RSF1: variants seen among roughly 807,000 people sequenced by gnomAD.
The protein encoded by RSF1 is HBV pX-associated protein 8.
RSF1 carries 13 observed loss-of-function variants against 145.2 expected under a neutral mutation model. The ratio of observed to expected loss-of-function variants is 0.09; its 90% CI spans 0.06 to 0.14. The LOEUF is 0.14. RSF1 is among the 10% of genes least tolerant of loss of function. The pLI, the probability that RSF1 is intolerant of heterozygous loss-of-function variation, is 1.00. For missense variants in RSF1, 1,517 were observed against 1,718.2 expected (o/e 0.88, Z 2.07); for synonymous variants, 577 against 592.6 (o/e 0.97, Z 0.38).
chr11:77,740,583 T>G, intron 4 of RSF1, 148 bp downstream of exon 4: 2 of 646,574 alleles, frequency 3.1e-6, no homozygotes, highest in East Asian at 5.4e-5. Context: ...ACTATGGGTA[T>G]TACGCTGGAT....
chr11:77,680,880 T>C (rs984923820), intron 11 of RSF1, among the ~76,000 whole-genome samples: 1 of 152,174 alleles, frequency 6.6e-6, no homozygotes, highest in East Asian at 1.9e-4. Context: ...AGATGCCAGA[T>C]GCAAAATTAA....
chr11:77,722,738 T>C (rs984057750), intron 5 of RSF1, among the ~76,000 whole-genome samples: 3 of 152,234 alleles, frequency 2.0e-5, no homozygotes, highest in Non-Finnish European at 4.4e-5. Context: ...CAGCATTTGG[T>C]AGACTGCAAA....
intron 2 of RSF1, among the ~76,000 whole-genome samples, chr11:77,761,259 T>C (rs1948168806): frequency 6.6e-6 from 1 of 152,204 alleles, no homozygotes; most frequent in Admixed American, 6.5e-5. Flanking sequence ...ATTTTCTACT[T>C]AATGACATCA....
At chr11:77,775,103 C>T (rs1394021428) in intron 1 of RSF1, among the ~76,000 whole-genome samples, 1 of 151,730 alleles carries the variant, frequency 6.6e-6, no homozygotes, top group African/African-American at 2.4e-5. Flanking sequence ...AAAAAACTAG[C>T]TGGGCATGGT....
chr11:77,770,848 TGAA>T (rs753598143), intron 1 of RSF1, among the ~76,000 whole-genome samples: 22 of 152,342 alleles, frequency 1.4e-4, no homozygotes, highest in Non-Finnish European at 2.8e-4. Flanking sequence ...CCACCTTTCC[TGAA>T]GAAGGATTCC....
the RSF1 span, among the ~76,000 whole-genome samples, chr11:77,864,383 T>C: frequency 1.8e-4 from 28 of 151,552 alleles, no homozygotes; most frequent in Non-Finnish European, 3.5e-4. Context: ...GAGGTTGCAG[T>C]GAGCCAAGAT....
rs564125005 is a variant in RSF1 at position 77,695,910 on chromosome 11, C to T, written c.2716-2299G>A. 3.9e-5 allele frequency among the ~76,000 whole-genome samples: 6 copies of T among 152,280 alleles called. No individual in the cohort carries two copies. In the South Asian group the frequency reaches 1.2e-3, roughly 32 times the overall value. ...TCTACCATCATAGGGTTCATCATGG[C>T]TCCTATTATTTACACTTTATTTATT... On this transcript the variant is annotated intron_variant, in intron 7 of 15. Transcript: ENST00000308488.
In RSF1 at chr11:77,678,106, A is replaced by C; in HGVS notation, c.3113T>G (p.Ile1038Ser). 1.2e-6 allele frequency: 2 copies of C among 1,611,620 alleles called. No individual in the cohort carries two copies. Among genetic ancestry groups the C allele is most frequent in the South Asian group, 2.2e-5 (2 of 90,950 alleles). The change falls in exon 12 of 16, where the codon ATC (isoleucine) becomes AGC (serine). Residue 1038 changes from isoleucine (I) to serine (S), a missense_variant. Physicochemically the swap from Ile to Ser is moderately radical, Grantham distance 142. This residue lies in a region of RSF1 where 231 missense variants were observed against 276.6 expected (regional missense o/e 0.84). Coordinates refer to ENST00000308488, the MANE Select transcript of RSF1 (RefSeq NM_016578.4). ...CATACCTCCTCCATCGGCTTCTTTG[A>C]TGTCATCTTCAATAGCTTCATCAAT... ...EAIDEAIEDD[I>S]KEADGGGVGR...
upstream of RSF1, among the ~76,000 whole-genome samples, chr11:77,824,778 G>GT (rs1565194089): frequency 6.6e-6 from 1 of 152,188 alleles, no homozygotes. Context: ...TGATTGGCAA[G>GT]TTTATTTCTC....
At chr11:77,714,901 A>G (rs964149148) in intron 5 of RSF1, among the ~76,000 whole-genome samples, 1 of 152,056 alleles carries the variant, frequency 6.6e-6, no homozygotes, top group Non-Finnish European at 1.5e-5. Context: ...AGGTGGGAGG[A>G]TTCCTTGAGG....
At chr11:77,813,820 GAC>G (rs10688175) in intron 1 of RSF1, 2,820 of 169,244 alleles carry the variant, frequency 0.017, 34 homozygotes, top group African/African-American at 0.026. Context: ...TTTGTAAAAG[GAC>G]ACACACACAC....
intron 15 of RSF1, among the ~76,000 whole-genome samples, chr11:77,669,441 G>A (rs1959461222): frequency 6.6e-6 from 1 of 152,032 alleles, no homozygotes; most frequent in African/African-American, 2.4e-5. Flanking sequence ...CTGTGCTTTG[G>A]CCCAAATGTT....
the RSF1 span, among the ~76,000 whole-genome samples, chr11:77,858,680 C>G: frequency 2.0e-5 from 3 of 152,128 alleles, no homozygotes; most frequent in Non-Finnish European, 4.4e-5. Flanking sequence ...CCGATGACCG[C>G]TCTAACTGCT....
At chr11:77,806,353 G>A (rs377203530) in intron 1 of RSF1, among the ~76,000 whole-genome samples, 1 of 152,180 alleles carries the variant, frequency 6.6e-6, no homozygotes, top group East Asian at 1.9e-4. Context: ...AATAAGCTTA[G>A]AAGAGGTTAA....
At chr11:77,698,412 A>G (rs1960334752) in intron 7 of RSF1, 75 bp downstream of exon 7, 5 of 1,183,374 alleles carry the variant, frequency 4.2e-6, no homozygotes, top group South Asian at 1.2e-5. Context: ...GATAAAACCC[A>G]GAAGAGTTAG....
chr11:77,805,812 A>G (rs1041928954), intron 1 of RSF1, among the ~76,000 whole-genome samples: 1 of 152,220 alleles, frequency 6.6e-6, no homozygotes, highest in African/African-American at 2.4e-5. Context: ...ATTGTTTAAA[A>G]CTAGAAAGTC....
At chr11:77,715,296 A>T (rs1380623280) in intron 5 of RSF1, among the ~76,000 whole-genome samples, 3 of 152,212 alleles carry the variant, frequency 2.0e-5, no homozygotes, top group Non-Finnish European at 4.4e-5. Context: ...ACTTAACTCA[A>T]ACATGATGTA....
At chr11:77,783,386 A>C (rs1351843072) in intron 1 of RSF1, among the ~76,000 whole-genome samples, 1 of 152,176 alleles carries the variant, frequency 6.6e-6, no homozygotes, top group Non-Finnish European at 1.5e-5. Context: ...TCTAGGTCCA[A>C]GTTTTCATCC....
intron 1 of RSF1, among the ~76,000 whole-genome samples, chr11:77,783,708 G>A (rs684813): frequency 0.16 from 24,433 of 151,948 alleles, 2,369 homozygotes; most frequent in Non-Finnish European, 0.22. Context: ...CAGGCATAAT[G>A]GTGTGCGTCA....
Sources: gnomAD v4.1 joint callset for allele counts (sites outside exome capture counted in the v4.1 genomes callset) on GRCh38, gnomAD v4.1.1 for gene constraint, gnomAD v4.1.1 regional missense constraint, MANE v1.5 for transcripts, NCBI Gene and HGNC (gene_info 2026-07-23, HGNC 2026-07-21) for gene names.